Variants in ZRANB3 observed in about 807,000 individuals in gnomAD.
The protein encoded by ZRANB3 is zinc finger RANBP2-type containing 3.
A neutral mutation model predicts 133.8 loss-of-function variants in ZRANB3; 125 were observed. That is an observed-to-expected ratio of 0.93 (90% confidence interval 0.81 to 1.08). The LOEUF (loss-of-function observed/expected upper bound fraction) is 1.08. ZRANB3 is among the 50% of genes least tolerant of loss of function. ZRANB3 has a pLI of 0.00. For synonymous variants in ZRANB3, 387 were observed against 432.7 expected, an observed-to-expected ratio of 0.89 and a Z score of 1.31; for missense variants, 1,229 against 1,275.5, an observed-to-expected ratio of 0.96 and a Z score of 0.56.
chr2:135,436,830 A>G (rs1259985384), intron 2 of ZRANB3, among the ~76,000 whole-genome samples: 1 of 152,254 alleles, frequency 6.6e-6, no homozygotes, highest in East Asian at 1.9e-4. Flanking sequence ...AAAAAGAATA[A>G]GGCTGGAGGT....
rs759329064 is a variant in ZRANB3 at position 135,202,951 on chromosome 2, T to C, written c.3022A>G (p.Ile1008Val). 1 of 1,612,470 alleles carries C rather than the reference T, an allele frequency of 6.2e-7. No individual in the cohort carries two copies. The highest frequency in any genetic ancestry group is 1.1e-5 in the South Asian group (1 of 90,610). ...KLPLEQLNEM[I>V]RNPGEGHFWQ... ...AAATGTCCTTCCCCTGGGTTTCTTA[T>C]CATTTCATTTAGCTGCAATAAGAAT... is the stretch of plus-strand genomic sequence containing the variant. The change falls in exon 20 of 21, where the codon ATA becomes GTA. Residue 1008 changes from isoleucine to valine, a missense_variant. Physicochemically the swap from Ile to Val is conservative, Grantham distance 29 (BLOSUM62 3). Transcript: ENST00000264159.
chr2:135,523,640 G>T (rs1006293811), intron 1 of ZRANB3, among the ~76,000 whole-genome samples: 9 of 152,160 alleles, frequency 5.9e-5, no homozygotes, highest in Non-Finnish European at 8.8e-5. Flanking sequence ...CTCTAAGGTA[G>T]GTATTCTCAT....
chr2:135,209,761 G>T (rs1694020857), intron 17 of ZRANB3, among the ~76,000 whole-genome samples: 1 of 152,078 alleles, frequency 6.6e-6, no homozygotes, highest in East Asian at 1.9e-4. Flanking sequence ...TTGGAAATTA[G>T]TTTAAACATG....
intron 1 of ZRANB3, among the ~76,000 whole-genome samples, chr2:135,507,883 T>C (rs1693264835): frequency 6.6e-6 from 1 of 152,002 alleles, no homozygotes; most frequent in Non-Finnish European, 1.5e-5. Flanking sequence ...CCCAGGAATT[T>C]GAGCTATGAT....
intron 2 of ZRANB3, among the ~76,000 whole-genome samples, chr2:135,402,245 T>C (rs1687764084): frequency 6.6e-6 from 1 of 152,056 alleles, no homozygotes; most frequent in South Asian, 2.1e-4. Context: ...TAATTTAATA[T>C]TTCAATGTAA....
rs575655132 is a variant in ZRANB3 at position 135,291,532 on chromosome 2, T to C, written c.967-15777A>G. Among the ~76,000 whole-genome samples the C allele has an allele frequency of 5.9e-5, 9 of 152,194 alleles. No homozygotes were observed. The South Asian group carries it at 1.0e-3, about 18-fold the overall frequency. ...TTGTTTAACGTAATCCCCAACTTCTTGGAGGCTATGTTCATTTTTAAAAAT... is the reference window on the plus strand; with the variant it reads ...TTGTTTAACGTAATCCCCAACTTCTCGGAGGCTATGTTCATTTTTAAAAAT... On this transcript the variant is annotated intron_variant, in intron 8 of 20. Coordinates refer to ENST00000264159, the MANE Select transcript of ZRANB3 (RefSeq NM_032143.4).
rs369462832 is a variant in ZRANB3 at position 135,330,241 on chromosome 2, T to C, written c.678-14711A>G. 5.9e-5 allele frequency among the ~76,000 whole-genome samples: 9 copies of C among 152,152 alleles called. No individual in the cohort carries two copies. In the East Asian group the frequency reaches 1.3e-3, roughly 23 times the overall value. ...TGAGATGCATTCCATCAATACCTAG[T>C]TTAGTTACAGTTTTTGGCATGAAGG... On this transcript the variant is annotated intron_variant, in intron 6 of 20. Transcript: ENST00000264159.
intron 3 of ZRANB3, among the ~76,000 whole-genome samples, chr2:135,382,257 A>G (rs1380930036): frequency 6.6e-6 from 1 of 152,196 alleles, no homozygotes; most frequent in African/African-American, 2.4e-5. Flanking sequence ...TGGAAGATCA[A>G]ATGAATGAAA....
chr2:135,370,856 G>A (rs945207260), intron 3 of ZRANB3, among the ~76,000 whole-genome samples: 1 of 152,138 alleles, frequency 6.6e-6, no homozygotes, highest in African/African-American at 2.4e-5. Context: ...CTCATGGTGG[G>A]GGTTTCCCTC....
intron 8 of ZRANB3, among the ~76,000 whole-genome samples, chr2:135,300,232 C>A (rs945415381): frequency 6.6e-6 from 1 of 152,116 alleles, no homozygotes; most frequent in Non-Finnish European, 1.5e-5. Context: ...ATGAGGAATT[C>A]ATTTTACTAT....
rs1257217895 is a variant in ZRANB3 at position 135,276,951 on chromosome 2, C to A, written c.967-1196G>T. ...TATGTGCAATACTGCTATTTACCTT[C>A]TCTCTACCTATTCCATATAATAGGT... is the stretch of plus-strand genomic sequence containing the variant. On this transcript the variant is annotated intron_variant, in intron 8 of 20. Transcript: ENST00000264159. Among the ~76,000 whole-genome samples, 3 of 152,332 alleles carry A rather than the reference C, an allele frequency of 2.0e-5. No individual in the cohort carries two copies. The East Asian group carries it at 5.8e-4, about 29-fold the overall frequency.
At chr2:135,277,215 T>C (rs187002536) in intron 8 of ZRANB3, among the ~76,000 whole-genome samples, 118 of 152,302 alleles carry the variant, frequency 7.7e-4, no homozygotes, top group Admixed American at 2.2e-3. Flanking sequence ...AGCAGAATCA[T>C]ATAAAGTGAT....
In ZRANB3 at chr2:135,254,476, C is replaced by T. The variant is rs539224419; in HGVS notation, c.1539+11058G>A. ...AAAAAAAACAGCTTTGGCCAGGTGT[C>T]GTGGCTCACGCCTATAATCCCAGCT... On this transcript the variant is annotated intron_variant, in intron 12 of 20. Coordinates refer to ENST00000264159, the MANE Select transcript of ZRANB3 (RefSeq NM_032143.4). Among the ~76,000 whole-genome samples the T allele has an allele frequency of 2.6e-5, 4 of 151,924 alleles. No homozygotes were observed. The South Asian group carries it at 6.2e-4, about 24-fold the overall frequency.
intron 1 of ZRANB3, among the ~76,000 whole-genome samples, chr2:135,512,919 A>C (rs1449531368): frequency 1.3e-5 from 2 of 152,180 alleles, no homozygotes; most frequent in Non-Finnish European, 2.9e-5. Flanking sequence ...AAGTTGATTA[A>C]ATTGTAACAG....
intron 2 of ZRANB3, among the ~76,000 whole-genome samples, chr2:135,496,441 A>G (rs1261181746): frequency 6.6e-6 from 1 of 151,420 alleles, no homozygotes. Context: ...ATTATTTATT[A>G]AAACAAAATT....
At chr2:135,338,050 T>C (rs780863703) in intron 6 of ZRANB3, among the ~76,000 whole-genome samples, 9 of 152,214 alleles carry the variant, frequency 5.9e-5, no homozygotes, top group Admixed American at 3.9e-4. Flanking sequence ...TGCGTATTTT[T>C]TAATACTATG....
chr2:135,236,778 A>C (rs1245533810), intron 12 of ZRANB3, among the ~76,000 whole-genome samples: 1 of 152,232 alleles, frequency 6.6e-6, no homozygotes, highest in African/African-American at 2.4e-5. Context: ...CACCTTATAC[A>C]AAAATTAATT....
intron 8 of ZRANB3, among the ~76,000 whole-genome samples, chr2:135,302,282 T>C (rs1003513298): frequency 2.0e-5 from 3 of 152,156 alleles, no homozygotes; most frequent in Admixed American, 6.5e-5. Flanking sequence ...GGAATAGAAA[T>C]ACACAGTTCC....
At position 135,264,244 on chromosome 2, in the gene ZRANB3, G is replaced by A. The variant is rs182138480; in HGVS notation, c.1539+1290C>T. On this transcript the variant is annotated intron_variant, in intron 12 of 20. Coordinates refer to ENST00000264159, the MANE Select transcript of ZRANB3 (RefSeq NM_032143.4). ...TCCCAGCACTTTGGAAGGCCGAGGTGGGCAGATCACAAGGTCAGGAGTTCG... is the reference window on the plus strand; with the variant it reads ...TCCCAGCACTTTGGAAGGCCGAGGTAGGCAGATCACAAGGTCAGGAGTTCG... 1.9e-3 allele frequency among the ~76,000 whole-genome samples: 289 copies of A among 151,626 alleles called. 5 individuals carry two copies. The East Asian group carries it at 0.049, about 26-fold the overall frequency.
Sources: gnomAD v4.1 joint callset for allele counts (sites outside exome capture counted in the v4.1 genomes callset) on GRCh38, gnomAD v4.1.1 for gene constraint, MANE v1.5 for transcripts, NCBI Gene and HGNC (gene_info 2026-07-23, HGNC 2026-07-21) for gene names.